MCC: variants seen among roughly 807,000 people sequenced by gnomAD.
MCC encodes the protein MCC regulator of Wnt signaling pathway.
Under a neutral mutation model 116.2 loss-of-function variants are expected in MCC, and 90 were observed. The observed-to-expected ratio is 0.77, with a 90% CI of 0.65 to 0.92. The LOEUF is 0.92. MCC is among the 40% of genes least tolerant of loss of function. The pLI, the probability that MCC is intolerant of heterozygous loss-of-function variation, is 0.00. For missense variants in MCC, 1,516 were observed against 1,312.2 expected (o/e 1.16, Z -2.40); for synonymous variants, 578 against 510.5 (o/e 1.13, Z -1.78).
chr5:113,303,149 A>G (rs1486502128), intron 3 of MCC, among the ~76,000 whole-genome samples: 1 of 152,182 alleles, frequency 6.6e-6, no homozygotes, highest in Admixed American at 6.5e-5. Context: ...TTTGACATCT[A>G]AGGGGATGTC....
intron 3 of MCC, among the ~76,000 whole-genome samples, chr5:113,315,814 G>C (rs918141569): frequency 6.6e-6 from 1 of 151,800 alleles, no homozygotes; most frequent in Non-Finnish European, 1.5e-5. Flanking sequence ...GGAGGTCGAG[G>C]CTGCAGTGAG....
chr5:113,246,829 G>C (rs1195660279), intron 3 of MCC, among the ~76,000 whole-genome samples: 5 of 152,226 alleles, frequency 3.3e-5, no homozygotes, highest in African/African-American at 1.2e-4. Flanking sequence ...GCAATGCAGT[G>C]TTTCCAAATC....
At chr5:113,278,451 G>A (rs1765909304) in intron 3 of MCC, among the ~76,000 whole-genome samples, 1 of 152,218 alleles carries the variant, frequency 6.6e-6, no homozygotes. Context: ...CTGCTACAAT[G>A]CGAACTACCC....
At chr5:113,275,508 C>T (rs533576877) in intron 3 of MCC, among the ~76,000 whole-genome samples, 1 of 152,216 alleles carries the variant, frequency 6.6e-6, no homozygotes, top group East Asian at 1.9e-4. Context: ...AAAAGGACTC[C>T]ACTAGGCCCC....
chr5:113,353,807 C>G (rs1196991951), intron 2 of MCC, among the ~76,000 whole-genome samples: 1 of 152,220 alleles, frequency 6.6e-6, no homozygotes, highest in Non-Finnish European at 1.5e-5. Flanking sequence ...TACCTATCAA[C>G]TGACATAGCC....
chr5:113,390,005 A>G (rs1339690005), intron 1 of MCC, among the ~76,000 whole-genome samples: 1 of 152,206 alleles, frequency 6.6e-6, no homozygotes. Context: ...AGTTTTTCAG[A>G]GGAAGAGATA....
chr5:113,442,542 C>T (rs1361219036), intron 1 of MCC, among the ~76,000 whole-genome samples: 4 of 152,158 alleles, frequency 2.6e-5, no homozygotes, highest in Non-Finnish European at 5.9e-5. Flanking sequence ...GTTGCCATTG[C>T]TTTTCGTGTT....
chr5:113,293,095 C>T (rs1450961969), intron 3 of MCC, among the ~76,000 whole-genome samples: 7 of 152,114 alleles, frequency 4.6e-5, no homozygotes, highest in African/African-American at 1.7e-4. Flanking sequence ...TATTTCAAAC[C>T]GGAGCAGGAA....
chr5:113,046,619 A>G (rs984363511), intron 16 of MCC, among the ~76,000 whole-genome samples: 4 of 146,896 alleles, frequency 2.7e-5, no homozygotes, highest in Non-Finnish European at 5.9e-5. Context: ...CATTCCTACC[A>G]CACCCCAAGA....
At chr5:113,331,994 T>G (rs891423018) in intron 3 of MCC, among the ~76,000 whole-genome samples, 1 of 151,690 alleles carries the variant, frequency 6.6e-6, no homozygotes, top group Non-Finnish European at 1.5e-5. Flanking sequence ...TAATTTTTAA[T>G]GACAATACCA....
intron 3 of MCC, among the ~76,000 whole-genome samples, chr5:113,314,275 G>A (rs1767220272): frequency 1.3e-5 from 2 of 152,194 alleles, no homozygotes; most frequent in Non-Finnish European, 2.9e-5. Flanking sequence ...TGATAGAATA[G>A]ACAAATAAGA....
At chr5:113,446,814 G>C (rs1771233057) in intron 1 of MCC, among the ~76,000 whole-genome samples, 1 of 152,100 alleles carries the variant, frequency 6.6e-6, no homozygotes, top group African/African-American at 2.4e-5. Flanking sequence ...GGGAGGGAGA[G>C]GGCAAGGGTT....
intron 3 of MCC, among the ~76,000 whole-genome samples, chr5:113,166,720 A>C (rs566610194): frequency 5.2e-5 from 7 of 134,768 alleles, no homozygotes; most frequent in East Asian, 4.4e-4. Flanking sequence ...AAAAAAAAAA[A>C]AACAACCAAA....
intron 1 of MCC, among the ~76,000 whole-genome samples, chr5:113,397,966 C>T (rs1769572202): frequency 6.6e-6 from 1 of 152,170 alleles, no homozygotes; most frequent in African/African-American, 2.4e-5. Flanking sequence ...TATCCACAAT[C>T]TATAAGGAGC....
chr5:113,260,539 C>T (rs1225581300), intron 3 of MCC, among the ~76,000 whole-genome samples: 3 of 152,094 alleles, frequency 2.0e-5, no homozygotes, highest in Non-Finnish European at 2.9e-5. Context: ...GGTATTCTTT[C>T]GTACTTTCCC....
chr5:113,113,367 G>A (rs1468324364), intron 6 of MCC, among the ~76,000 whole-genome samples: 1 of 152,012 alleles, frequency 6.6e-6, no homozygotes, highest in East Asian at 1.9e-4. Flanking sequence ...AACACAAACC[G>A]AACAAAGTAA....
At position 113,025,175 on chromosome 5, in the gene MCC, C is replaced by G. The variant is rs185360528; in HGVS notation, c.*2127G>C. 1.7e-4 allele frequency: 26 copies of G among 151,914 alleles called. No individual in the cohort carries two copies. Among genetic ancestry groups the G allele is most frequent in the Non-Finnish European group, 3.2e-4 (22 of 68,014 alleles). 9.4% of individuals were successfully genotyped at this position (151,914 alleles called of 1,614,324 possible). ...ATGCCTGCTTAATCACAAAAAAGAG[C>G]CATGCACATCCCACTTTGCTCAGGG... On this transcript the variant is annotated 3_prime_UTR_variant, in exon 19 of 19. Coordinates refer to ENST00000408903, the MANE Select transcript of MCC (RefSeq NM_001085377.2).
At chr5:113,262,058 T>C (rs142824965) in intron 3 of MCC, among the ~76,000 whole-genome samples, 146 of 152,314 alleles carry the variant, frequency 9.6e-4, no homozygotes, top group African/African-American at 3.2e-3. Context: ...ATATTAACTT[T>C]TTCATGAACG....
chr5:113,236,806 T>C (rs1020484764), intron 3 of MCC, among the ~76,000 whole-genome samples: 1 of 152,088 alleles, frequency 6.6e-6, no homozygotes, highest in African/African-American at 2.4e-5. Flanking sequence ...CGGATGTTTG[T>C]TCAGGGGGAC....
Sources: gnomAD v4.1 joint callset for allele counts (sites outside exome capture counted in the v4.1 genomes callset) on GRCh38, gnomAD v4.1.1 for gene constraint, MANE v1.5 for transcripts, NCBI Gene and HGNC (gene_info 2026-07-23, HGNC 2026-07-21) for gene names.